The following MINDY4 variants were observed in gnomAD, a reference collection of about 807,000 sequenced individuals.
MINDY4 encodes probable ubiquitin carboxyl-terminal hydrolase MINDY-4.
A neutral mutation model predicts 87.0 loss-of-function variants in MINDY4; 68 were observed. The ratio of observed to expected loss-of-function variants is 0.78; its 90% CI spans 0.64 to 0.96. MINDY4 has a LOEUF of 0.96. MINDY4 is among the 40% of genes least tolerant of loss of function. The probability of loss-of-function intolerance (pLI) is 0.00; values close to 1 mark genes in which losing one functional copy is unlikely to be tolerated. For missense variants in MINDY4, 919 were observed against 928.2 expected (o/e 0.99, Z 0.13); for synonymous variants, 379 against 363.2 (o/e 1.04, Z -0.50).
chr7:30,856,046 G>T (rs1562555663), intron 12 of MINDY4, among the ~76,000 whole-genome samples: 1 of 152,162 alleles, frequency 6.6e-6, no homozygotes, highest in Non-Finnish European at 1.5e-5. Flanking sequence ...TTTCATTACT[G>T]CTCACCCTCT....
intron 5 of MINDY4, among the ~76,000 whole-genome samples, chr7:30,825,218 A>C (rs1307772665): frequency 6.6e-6 from 1 of 152,238 alleles, no homozygotes; most frequent in Non-Finnish European, 1.5e-5. Flanking sequence ...CTGACCTTTT[A>C]AACTTTGTAA....
chr7:30,875,753 G>T (rs1218948697), intron 15 of MINDY4, 97 bp downstream of exon 15: 6 of 1,371,064 alleles, frequency 4.4e-6, no homozygotes, highest in Non-Finnish European at 4.9e-6. Context: ...CCACTTCTCA[G>T]AGCTGGCTGA....
At chr7:30,788,979 A>G (rs151236626) in intron 4 of MINDY4, among the ~76,000 whole-genome samples, 70 of 152,346 alleles carry the variant, frequency 4.6e-4, no homozygotes, top group African/African-American at 1.7e-3. Context: ...GGCCTTGGGC[A>G]CTAGTGGAGT....
At chr7:30,809,550 G>GA (rs199980276) in intron 5 of MINDY4, among the ~76,000 whole-genome samples, 44 of 134,852 alleles carry the variant, frequency 3.3e-4, no homozygotes, top group South Asian at 4.7e-4. Context: ...GTAATTGAAG[G>GA]AAAAAAAAAA....
rs1270023337 is a variant in MINDY4, at chr7:30,882,178, C to T, written c.1972-3C>T. ...TTTCACATCAGGCCTCTCCCTCATC[C>T]AGGTTGGCTGCTTCCTGAAGACCCC... On this transcript the variant is annotated splice_polypyrimidine_tract_variant and splice_region_variant and intron_variant, in intron 15 of 17. Coordinates refer to ENST00000265299, the MANE Select transcript of MINDY4 (RefSeq NM_032222.3). 2 of 1,602,560 alleles carry T rather than the reference C, an allele frequency of 1.2e-6. No individual in the cohort carries two copies. Among genetic ancestry groups the T allele is most frequent in the Non-Finnish European group, 1.7e-6 (2 of 1,171,772 alleles).
At chr7:30,820,274 A>G (rs969951855) in intron 5 of MINDY4, among the ~76,000 whole-genome samples, 5 of 152,134 alleles carry the variant, frequency 3.3e-5, no homozygotes, top group Non-Finnish European at 5.9e-5. Context: ...TGCCTTTAGT[A>G]TAATTGCTGA....
intron 13 of MINDY4, among the ~76,000 whole-genome samples, chr7:30,864,833 C>T (rs1789883365): frequency 6.6e-6 from 1 of 152,230 alleles, no homozygotes; most frequent in African/African-American, 2.4e-5. Context: ...GGCCCCCAGG[C>T]TCCTCTCAGT....
intron 5 of MINDY4, among the ~76,000 whole-genome samples, chr7:30,819,488 A>G (rs560343692): frequency 6.6e-6 from 1 of 152,294 alleles, no homozygotes; most frequent in African/African-American, 2.4e-5. Context: ...TTTTGGATCA[A>G]ACATGTTAAT....
intron 17 of MINDY4, among the ~76,000 whole-genome samples, chr7:30,884,561 G>A (rs966083322): frequency 6.6e-6 from 1 of 152,194 alleles, no homozygotes; most frequent in African/African-American, 2.4e-5. Flanking sequence ...GTTGAGCAGG[G>A]CTCCAACACC....
At chr7:30,890,510 G>A (rs1392934026) in intron 17 of MINDY4, among the ~76,000 whole-genome samples, 3 of 152,160 alleles carry the variant, frequency 2.0e-5, no homozygotes, top group Admixed American at 6.5e-5. Flanking sequence ...TTCTCCAAAT[G>A]ACAAGAAATC....
intron 17 of MINDY4, among the ~76,000 whole-genome samples, chr7:30,884,856 G>A (rs980335188): frequency 2.0e-5 from 3 of 151,258 alleles, no homozygotes; most frequent in Admixed American, 1.3e-4. Flanking sequence ...TCCATGCAGA[G>A]TGAGAGTCTT....
chr7:30,877,958 G>A (rs1252543911), intron 15 of MINDY4, among the ~76,000 whole-genome samples: 1 of 149,698 alleles, frequency 6.7e-6, no homozygotes, highest in Non-Finnish European at 1.5e-5. Context: ...AGGGTTACAG[G>A]TGTGAGCCAC....
At chr7:30,819,892 ATTTTTTTTTTTTT>A (rs60124746) in intron 5 of MINDY4, among the ~76,000 whole-genome samples, 5 of 96,660 alleles carry the variant, frequency 5.2e-5, no homozygotes, top group Admixed American at 2.0e-4. Context: ...CATATAGATA[ATTTTTTTTTTTTT>A]TTTTTTTTTT....
intron 6 of MINDY4, among the ~76,000 whole-genome samples, chr7:30,834,543 C>T (rs942109034): frequency 1.2e-4 from 18 of 152,226 alleles, no homozygotes; most frequent in African/African-American, 3.6e-4. Flanking sequence ...GCCCTGGAGA[C>T]GTTTTCCCCA....
chr7:30,825,800 T>C (rs1352616389), intron 5 of MINDY4, among the ~76,000 whole-genome samples: 2 of 152,242 alleles, frequency 1.3e-5, no homozygotes, highest in African/African-American at 4.8e-5. Flanking sequence ...TGTTACCATG[T>C]GTATTAGTTT....
chr7:30,887,929 G>A (rs1405730820), intron 17 of MINDY4, among the ~76,000 whole-genome samples: 5 of 152,198 alleles, frequency 3.3e-5, no homozygotes, highest in South Asian at 2.1e-4. Context: ...TCCTCATTCC[G>A]AATGGCTGGA....
chr7:30,776,542 G>A (rs1554276843), intron 1 of MINDY4, among the ~76,000 whole-genome samples: 2 of 152,116 alleles, frequency 1.3e-5, no homozygotes, highest in Non-Finnish European at 2.9e-5. Flanking sequence ...CCCCTATAGA[G>A]TGCAAGCTCC....
At chr7:30,842,237 T>G (rs532685038) in intron 9 of MINDY4, among the ~76,000 whole-genome samples, 1 of 152,232 alleles carries the variant, frequency 6.6e-6, no homozygotes, top group Non-Finnish European at 1.5e-5. Context: ...TTCTCTCTGC[T>G]TCCCCTCCCC....
At chr7:30,793,738 A>G (rs1787393491) in intron 5 of MINDY4, among the ~76,000 whole-genome samples, 1 of 152,106 alleles carries the variant, frequency 6.6e-6, no homozygotes, top group Admixed American at 6.5e-5. Flanking sequence ...AGAGCAGCCC[A>G]CTTCTAAGAG....
Sources: gnomAD v4.1 joint callset for allele counts (sites outside exome capture counted in the v4.1 genomes callset) on GRCh38, gnomAD v4.1.1 for gene constraint, MANE v1.5 for transcripts, NCBI Gene and HGNC (gene_info 2026-07-23, HGNC 2026-07-21) for gene names.